RYR2: variants seen among roughly 807,000 people sequenced by gnomAD.
RYR2 encodes the protein cardiac muscle ryanodine receptor-calcium release channel.
A neutral mutation model predicts 601.1 loss-of-function variants in RYR2; 227 were observed. The ratio of observed to expected loss-of-function variants is 0.38; its 90% CI spans 0.34 to 0.42. The LOEUF is 0.42. Ranked by LOEUF, RYR2 falls within the 10% of genes least tolerant of loss-of-function variation. The probability of loss-of-function intolerance (pLI) is 1.00; values close to 1 mark genes in which losing one functional copy is unlikely to be tolerated. For synonymous variants in RYR2, 2,223 were observed against 2,175.1 expected, an observed-to-expected ratio of 1.02 and a Z score of -0.61; for missense variants, 4,646 against 6,156.5, an observed-to-expected ratio of 0.75 and a Z score of 8.21.
intron 98 of RYR2, among the ~76,000 whole-genome samples, chr1:237,803,145 G>T (rs1353121081): frequency 6.6e-6 from 1 of 151,956 alleles, no homozygotes; most frequent in Non-Finnish European, 1.5e-5. Context: ...TTACTTCATG[G>T]GATATACCTA....
intron 20 of RYR2, among the ~76,000 whole-genome samples, chr1:237,498,728 C>T (rs1002936072): frequency 5.3e-5 from 8 of 152,126 alleles, no homozygotes; most frequent in African/African-American, 1.9e-4. Flanking sequence ...GAATTGTATG[C>T]GTTATACCTT....
chr1:237,812,339 T>G (rs906592463), intron 100 of RYR2, among the ~76,000 whole-genome samples: 2 of 152,204 alleles, frequency 1.3e-5, no homozygotes, highest in African/African-American at 2.4e-5. Context: ...CCTGCCTTCA[T>G]GGAATTTGCA....
chr1:237,497,518 T>C (rs1664201718), intron 20 of RYR2, among the ~76,000 whole-genome samples: 1 of 152,246 alleles, frequency 6.6e-6, no homozygotes, highest in South Asian at 2.1e-4. Context: ...TAAGCTTATA[T>C]TAATAAAGCT....
chr1:237,174,557 T>A (rs1245140420), intron 1 of RYR2, among the ~76,000 whole-genome samples: 2 of 152,212 alleles, frequency 1.3e-5, no homozygotes. Context: ...TCTTTTCATC[T>A]GGCCCTTCCC....
chr1:237,739,513 A>G (rs1446997945), intron 79 of RYR2, among the ~76,000 whole-genome samples: 4 of 152,154 alleles, frequency 2.6e-5, no homozygotes, highest in African/African-American at 4.8e-5. Flanking sequence ...TCACAAATTA[A>G]ACACTCAACA....
At chr1:237,319,955 G>C (rs1026218861) in intron 2 of RYR2, among the ~76,000 whole-genome samples, 1 of 152,154 alleles carries the variant, frequency 6.6e-6, no homozygotes, top group Non-Finnish European at 1.5e-5. Context: ...CCTTTGACAA[G>C]GTGGCACAGC....
intron 29 of RYR2, among the ~76,000 whole-genome samples, chr1:237,584,600 A>G (rs1674296763): frequency 6.6e-6 from 1 of 150,796 alleles, no homozygotes; most frequent in South Asian, 2.1e-4. Flanking sequence ...TAGAACAGTA[A>G]CTTAGAAAAG....
intron 1 of RYR2, among the ~76,000 whole-genome samples, chr1:237,248,147 C>T (rs1251572155): frequency 6.6e-6 from 1 of 151,868 alleles, no homozygotes; most frequent in East Asian, 1.9e-4. Flanking sequence ...TGGTGCACTC[C>T]TGTAATCCCA....
chr1:237,533,740 C>T (rs1182269868), intron 25 of RYR2, among the ~76,000 whole-genome samples: 1 of 152,058 alleles, frequency 6.6e-6, no homozygotes, highest in African/African-American at 2.4e-5. Flanking sequence ...TAAGGACTGA[C>T]TTTTAAAAAT....
intron 2 of RYR2, among the ~76,000 whole-genome samples, chr1:237,321,706 T>C (rs1037228903): frequency 7.9e-5 from 12 of 152,202 alleles, no homozygotes; most frequent in African/African-American, 2.9e-4. Flanking sequence ...CATAGAGGGC[T>C]GAGGAGCTTA....
intron 17 of RYR2, among the ~76,000 whole-genome samples, chr1:237,483,058 G>A (rs1020738681): frequency 3.9e-5 from 6 of 151,946 alleles, no homozygotes; most frequent in African/African-American, 1.2e-4. Context: ...TGTGTCTCTC[G>A]CCAAGGTCTA....
At chr1:237,518,481 T>C (rs996148355) in intron 24 of RYR2, among the ~76,000 whole-genome samples, 9 of 152,322 alleles carry the variant, frequency 5.9e-5, no homozygotes, top group Admixed American at 5.2e-4. Context: ...CACATTTTTT[T>C]AACACCCACT....
At chr1:237,385,514 A>G (rs964194445) in intron 8 of RYR2, among the ~76,000 whole-genome samples, 3 of 152,248 alleles carry the variant, frequency 2.0e-5, no homozygotes, top group African/African-American at 7.2e-5. Flanking sequence ...TACTATTAAT[A>G]TACATAGTAC....
intron 1 of RYR2, among the ~76,000 whole-genome samples, chr1:237,049,775 C>G (rs1019671213): frequency 1.3e-5 from 2 of 152,138 alleles, no homozygotes; most frequent in African/African-American, 2.4e-5. Context: ...GAGAAGAATT[C>G]TCTCATGTCA....
At chr1:237,543,737 CTGTTTTTGGTATTCTGCCT>C in intron 25 of RYR2, among the ~76,000 whole-genome samples, 1 of 152,164 alleles carries the variant, frequency 6.6e-6, no homozygotes. Context: ...TTGGTGCTTA[CTGTTTTTGGTATTCTGCCT>C]TGTTTTTGTT....
chr1:237,432,579 A>G (rs1706937920), intron 12 of RYR2, among the ~76,000 whole-genome samples: 1 of 152,142 alleles, frequency 6.6e-6, no homozygotes, highest in Non-Finnish European at 1.5e-5. Context: ...CTCATGTCCT[A>G]ACTTGAGCTT....
At chr1:237,785,119 A>C in intron 90 of RYR2, 147 bp downstream of exon 90, 3 of 680,792 alleles carry the variant, frequency 4.4e-6, no homozygotes, top group Non-Finnish European at 7.8e-6. Context: ...TTGGTAGACA[A>C]AGTTAGTGTT....
chr1:237,412,093 T>A (rs4659791), intron 10 of RYR2, among the ~76,000 whole-genome samples: 46,587 of 152,048 alleles, frequency 0.31, 7,660 homozygotes, highest in East Asian at 0.43. Flanking sequence ...GGGCCTTAGA[T>A]TCTAAAGATG....
At chr1:237,280,028 C>G (rs1354581115) in intron 2 of RYR2, among the ~76,000 whole-genome samples, 2 of 152,174 alleles carry the variant, frequency 1.3e-5, no homozygotes, top group African/African-American at 4.8e-5. Context: ...CTGTTTCTTC[C>G]AATTTCTATG....
Sources: allele counts gnomAD v4.1 joint callset (sites outside exome capture counted in the v4.1 genomes callset), GRCh38; gene constraint gnomAD v4.1.1; transcripts MANE v1.5; gene names NCBI Gene and HGNC (gene_info 2026-07-23, HGNC 2026-07-21).